Variants in CHD9 observed in about 807,000 individuals in gnomAD.
CHD9 encodes ATP-dependent chromatin remodeler CHD9.
In CHD9, 77 loss-of-function variants were observed where a neutral mutation model predicts 316.1. The observed-to-expected ratio is 0.24, with a 90% CI of 0.20 to 0.29. CHD9 has a LOEUF of 0.29. CHD9 is among the 10% of genes least tolerant of loss of function. The pLI is 1.00. For synonymous variants in CHD9, 1,129 were observed against 1,158.3 expected (o/e 0.97, Z 0.51); for missense variants, 2,763 against 3,438.1 (o/e 0.80, Z 4.91).
chr16:53,141,899 AACAT>A (rs2040143204), intron 1 of CHD9, among the ~76,000 whole-genome samples: 3 of 152,150 alleles, frequency 2.0e-5, no homozygotes, highest in African/African-American at 7.2e-5. Flanking sequence ...AGGCATAGAG[AACAT>A]ATTAATGGAG....
At chr16:53,213,173 G>C (rs183427415) in intron 3 of CHD9, among the ~76,000 whole-genome samples, 1 of 152,306 alleles carries the variant, frequency 6.6e-6, no homozygotes, top group African/African-American at 2.4e-5. Context: ...CCATGCCTCT[G>C]TTGATCAGGT....
chr16:53,227,563 A>G lies in CHD9; in HGVS notation c.2128A>G (p.Met710Val). 1 of 1,429,756 alleles carries G rather than the reference A, an allele frequency of 7.0e-7. No homozygotes were observed. Among genetic ancestry groups the G allele is most frequent in the Non-Finnish European group, 9.4e-7 (1 of 1,064,308 alleles). The allele number at this position is 1,429,756 out of a possible 1,614,324, so 88.6% of individuals were successfully genotyped here. ...TVKKEISPGV[M>V]IDTEEFFVKY... The stretch of plus-strand genomic sequence containing the variant: ...CTTTTCTTAGATATCACCTGGAGTG[A>G]TGATTGATACAGAAGAATTTTTTGT... The change falls in exon 7 of 39, where the codon ATG becomes GTG. Residue 710 changes from methionine (M) to valine (V), a missense_variant. Transcript: ENST00000447540.
At chr16:53,256,869 G>T (rs376245734) in intron 19 of CHD9, among the ~76,000 whole-genome samples, 9 of 152,008 alleles carry the variant, frequency 5.9e-5, no homozygotes, top group African/African-American at 2.2e-4. Flanking sequence ...GAATATTGTG[G>T]TATAGCAGGA....
intron 2 of CHD9, among the ~76,000 whole-genome samples, chr16:53,186,865 G>A (rs1181303309): frequency 6.6e-6 from 1 of 152,108 alleles, no homozygotes; most frequent in South Asian, 2.1e-4. Context: ...CTTCCACCAT[G>A]ATTGTAAGTT....
At chr16:53,225,819 A>G (rs1017775510) in intron 4 of CHD9, among the ~76,000 whole-genome samples, 3 of 151,992 alleles carry the variant, frequency 2.0e-5, no homozygotes, top group Non-Finnish European at 4.4e-5. Context: ...TGTTTTGGCA[A>G]ACACTATTTA....
chr16:53,176,601 T>G (rs1464258235), intron 2 of CHD9, among the ~76,000 whole-genome samples: 1 of 152,208 alleles, frequency 6.6e-6, no homozygotes, highest in African/African-American at 2.4e-5. Flanking sequence ...ATTTATGACT[T>G]TATGACCTCA....
chr16:53,088,553 C>G (rs540496074), intron 1 of CHD9, among the ~76,000 whole-genome samples: 44 of 151,074 alleles, frequency 2.9e-4, no homozygotes, highest in Non-Finnish European at 4.7e-4. Context: ...GCTGGGATTA[C>G]AGGCTTGAGC....
intron 2 of CHD9, among the ~76,000 whole-genome samples, chr16:53,170,160 C>T (rs1338526030): frequency 2.0e-5 from 3 of 149,986 alleles, no homozygotes; most frequent in Non-Finnish European, 4.4e-5. Context: ...GCTTGATTTT[C>T]TCAGTATAGG....
chr16:53,193,531 A>G (rs1034979989), intron 2 of CHD9, among the ~76,000 whole-genome samples: 1 of 152,116 alleles, frequency 6.6e-6, no homozygotes, highest in African/African-American at 2.4e-5. Context: ...GTATTTCCCT[A>G]ATGTCTAATA....
At chr16:53,103,139 C>G (rs1228756351) in intron 1 of CHD9, among the ~76,000 whole-genome samples, 1 of 149,200 alleles carries the variant, frequency 6.7e-6, no homozygotes, top group African/African-American at 2.5e-5. Flanking sequence ...GCCACCCCAC[C>G]TGGCCCTGAC....
chr16:53,238,834 A>G (rs1316316069), intron 12 of CHD9, among the ~76,000 whole-genome samples: 1 of 152,166 alleles, frequency 6.6e-6, no homozygotes, highest in Non-Finnish European at 1.5e-5. Flanking sequence ...CACGAGTTTC[A>G]TTGTAATCCT....
chr16:53,232,495 A>C (rs1228359613), intron 10 of CHD9, among the ~76,000 whole-genome samples: 1 of 152,200 alleles, frequency 6.6e-6, no homozygotes, highest in African/African-American at 2.4e-5. Context: ...AATTGATGAC[A>C]ACAGGGCTAG....
At chr16:53,255,151 A>G (rs1388184683) in intron 18 of CHD9, among the ~76,000 whole-genome samples, 2 of 152,050 alleles carry the variant, frequency 1.3e-5, no homozygotes, top group African/African-American at 4.8e-5. Flanking sequence ...TCTCTATAAA[A>G]AATAAAAATT....
rs762354245 is a variant in CHD9 at position 53,324,468 on chromosome 16, G to T, written c.8267G>T (p.Arg2756Met). The stretch of plus-strand genomic sequence containing the variant: ...AAGGAGTCAGAAGGAAAAACAGAAA[G>T]GACAGAGAGCCAAAGTTCAGAGAAT... Reference protein sequence around the residue: ...DSKESEGKTERTESQSSENGG... With the variant: ...DSKESEGKTEMTESQSSENGG... The change falls in exon 39 of 39, where the codon AGG becomes ATG. Residue 2756 changes from arginine (R) to methionine (M), a missense_variant. Arg to Met is a moderately conservative substitution (Grantham distance 91). This residue lies in a region of CHD9 where 298 missense variants were observed against 380.2 expected (regional missense o/e 0.78). Transcript: ENST00000447540. 2 of 1,613,858 alleles carry T rather than the reference G, an allele frequency of 1.2e-6. No individual in the cohort carries two copies. The highest frequency in any genetic ancestry group is 2.7e-5 in the African/African-American group (2 of 74,930).
At chr16:53,243,815 A>AT (rs1399923402) in intron 13 of CHD9, among the ~76,000 whole-genome samples, 1 of 152,196 alleles carries the variant, frequency 6.6e-6, no homozygotes, top group Non-Finnish European at 1.5e-5. Context: ...AAATGAAAGC[A>AT]TTTTTTAAAC....
At chr16:53,099,683 C>A (rs1486896677) in intron 1 of CHD9, among the ~76,000 whole-genome samples, 4 of 152,242 alleles carry the variant, frequency 2.6e-5, no homozygotes, top group Non-Finnish European at 5.9e-5. Flanking sequence ...TCCACCCCTT[C>A]CCTTCCCGCT....
chr16:53,248,639 C>T (rs1048328640), intron 16 of CHD9, among the ~76,000 whole-genome samples: 45 of 150,946 alleles, frequency 3.0e-4, no homozygotes, highest in African/African-American at 9.3e-4. Flanking sequence ...AATCCTCCCA[C>T]CTCAGCCTCC....
intron 12 of CHD9, among the ~76,000 whole-genome samples, chr16:53,241,226 G>A (rs561147997): frequency 7.8e-4 from 118 of 152,182 alleles, no homozygotes; most frequent in African/African-American, 2.6e-3. Flanking sequence ...TTTCAACCCT[G>A]TTTAAACACT....
intron 30 of CHD9, among the ~76,000 whole-genome samples, chr16:53,301,866 G>A (rs1386421755): frequency 6.7e-6 from 1 of 149,994 alleles, no homozygotes; most frequent in African/African-American, 2.5e-5. Context: ...CCGGGTTCAT[G>A]CCATTCTCCT....
Sources: gnomAD v4.1 joint callset for allele counts (sites outside exome capture counted in the v4.1 genomes callset) on GRCh38, gnomAD v4.1.1 for gene constraint, gnomAD v4.1.1 regional missense constraint, MANE v1.5 for transcripts, NCBI Gene and HGNC (gene_info 2026-07-23, HGNC 2026-07-21) for gene names.